The following BCAR3 variants were observed in gnomAD, a reference collection of about 807,000 sequenced individuals.
BCAR3 encodes BCAR3 adaptor protein, NSP family member.
A neutral mutation model predicts 80.1 loss-of-function variants in BCAR3; 37 were observed. The ratio of observed to expected loss-of-function variants is 0.46; its 90% CI spans 0.36 to 0.61. The LOEUF (loss-of-function observed/expected upper bound fraction) is 0.61. BCAR3 is among the 20% of genes least tolerant of loss of function. BCAR3 has a pLI of 0.00. For synonymous variants in BCAR3, 389 were observed against 418.9 expected (o/e 0.93, Z 0.87); for missense variants, 978 against 1,068.2 (o/e 0.92, Z 1.18).
intron 3 of BCAR3, among the ~76,000 whole-genome samples, chr1:93,619,878 T>G (rs1369164983): frequency 6.6e-6 from 1 of 152,218 alleles, no homozygotes; most frequent in Non-Finnish European, 1.5e-5. Context: ...CGAGCCAGGA[T>G]GGGTTCTGGT....
At position 93,681,681 on chromosome 1, in the gene BCAR3, G is replaced by C. The variant is rs1648772697; in HGVS notation, c.-95C>G. On this transcript the variant is annotated 5_prime_UTR_variant, in exon 1 of 12. Transcript: ENST00000260502. Reference sequence around the variant, plus strand: ...TCAAAGGCGCCGCGCGGCCGGCCTCGCACCGCCCGCGCCGCGGCTGCTCCC... The same window carrying C: ...TCAAAGGCGCCGCGCGGCCGGCCTCCCACCGCCCGCGCCGCGGCTGCTCCC... The C allele has an allele frequency of 1.3e-5, 2 of 151,604 alleles. No individual in the cohort carries two copies. Among genetic ancestry groups the C allele is most frequent in the South Asian group, 4.1e-4 (2 of 4,822 alleles). The allele number at this position is 151,604 out of a possible 1,614,324, so 9.4% of individuals were successfully genotyped here. A position where few individuals can be genotyped will look rare whatever the true frequency, so the allele number is the denominator to read the frequency against.
chr1:93,800,287 A>C (rs765537385), intron 2 of BCAR3, among the ~76,000 whole-genome samples: 1 of 152,134 alleles, frequency 6.6e-6, no homozygotes, highest in Non-Finnish European at 1.5e-5. Flanking sequence ...ATAAAGCATC[A>C]AGATGGCTGG....
At chr1:93,806,032 T>A (rs1653643483) in intron 2 of BCAR3, among the ~76,000 whole-genome samples, 1 of 151,890 alleles carries the variant, frequency 6.6e-6, no homozygotes, top group Admixed American at 6.6e-5. Context: ...TGAAAAGAAA[T>A]GTAAAATATG....
chr1:93,572,139 G>A (rs1673244195), intron 8 of BCAR3, among the ~76,000 whole-genome samples: 1 of 152,148 alleles, frequency 6.6e-6, no homozygotes, highest in Non-Finnish European at 1.5e-5. Context: ...CTGGGGCAAA[G>A]GTGCTCAGAA....
chr1:93,843,633 G>C (rs1218236127), intron 2 of BCAR3, among the ~76,000 whole-genome samples: 1 of 152,016 alleles, frequency 6.6e-6, no homozygotes, highest in African/African-American at 2.4e-5. Flanking sequence ...TTCCTTTTTA[G>C]GTATGTTTTA....
chr1:93,624,824 A>G (rs1220287740), intron 3 of BCAR3, among the ~76,000 whole-genome samples: 2 of 152,186 alleles, frequency 1.3e-5, no homozygotes, highest in Non-Finnish European at 2.9e-5. Flanking sequence ...GGCGTGAGGG[A>G]TGACAGGCCA....
intron 3 of BCAR3, among the ~76,000 whole-genome samples, chr1:93,626,061 C>T (rs1372323704): frequency 6.6e-6 from 1 of 152,134 alleles, no homozygotes; most frequent in Non-Finnish European, 1.5e-5. Flanking sequence ...TGGCCTAGCA[C>T]TTTATAGTAT....
intron 2 of BCAR3, among the ~76,000 whole-genome samples, chr1:93,720,541 G>A (rs752793668): frequency 2.6e-5 from 4 of 152,254 alleles, no homozygotes; most frequent in South Asian, 2.1e-4. Context: ...ATGGCCACTC[G>A]CCTTCCCAGA....
intron 2 of BCAR3, among the ~76,000 whole-genome samples, chr1:93,731,795 T>A (rs1290307617): frequency 6.6e-6 from 1 of 152,234 alleles, no homozygotes; most frequent in East Asian, 1.9e-4. Flanking sequence ...ACAGTCCTTT[T>A]CAGGCATAGT....
At chr1:93,679,951 C>G (rs908609295) in intron 1 of BCAR3, among the ~76,000 whole-genome samples, 2 of 152,218 alleles carry the variant, frequency 1.3e-5, no homozygotes, top group Non-Finnish European at 2.9e-5. Flanking sequence ...ACCGTCTCGG[C>G]TGCCCCATGA....
intron 9 of BCAR3, among the ~76,000 whole-genome samples, chr1:93,568,399 C>T (rs1391496783): frequency 1.3e-5 from 2 of 152,152 alleles, no homozygotes; most frequent in East Asian, 1.9e-4. Flanking sequence ...ACAGCCTGGC[C>T]TGCTGGCCAG....
At position 93,598,544 on chromosome 1, in the gene BCAR3, G is replaced by C. The variant is rs374463368; in HGVS notation, c.358-6151C>G. The stretch of plus-strand genomic sequence containing the variant: ...ACCAAACAGTTGCCAGCATCTGGCT[G>C]CCAGTGGGGGATGGATGCACTGGTC... On this transcript the variant is annotated intron_variant, in intron 3 of 11. Transcript: ENST00000260502. Among the ~76,000 whole-genome samples the C allele has an allele frequency of 3.3e-4, 51 of 152,330 alleles. No individual in the cohort carries two copies. In the East Asian group the frequency reaches 5.8e-3, roughly 17 times the overall value.
At chr1:93,762,576 C>A (rs1651987853) in intron 2 of BCAR3, among the ~76,000 whole-genome samples, 2 of 152,188 alleles carry the variant, frequency 1.3e-5, no homozygotes, top group African/African-American at 4.8e-5. Flanking sequence ...CACAGAGGGA[C>A]CTGACGTGCT....
At chr1:93,720,935 CT>C (rs929946167) in intron 2 of BCAR3, among the ~76,000 whole-genome samples, 2 of 152,144 alleles carry the variant, frequency 1.3e-5, no homozygotes, top group African/African-American at 4.8e-5. Flanking sequence ...CAGGAGGTGG[CT>C]GGAGTGGAGC....
chr1:93,565,582 C>G (rs1300528740), intron 11 of BCAR3, among the ~76,000 whole-genome samples: 1 of 152,226 alleles, frequency 6.6e-6, no homozygotes, highest in Non-Finnish European at 1.5e-5. Context: ...ACACTTTTCT[C>G]AAAACCCACC....
intron 2 of BCAR3, among the ~76,000 whole-genome samples, chr1:93,709,624 C>T (rs1308781241): frequency 6.6e-6 from 1 of 152,176 alleles, no homozygotes; most frequent in Non-Finnish European, 1.5e-5. Context: ...GGCAGTCCCC[C>T]TTGATTGTCC....
intron 11 of BCAR3, among the ~76,000 whole-genome samples, chr1:93,567,032 TTC>T (rs1443591173): frequency 1.3e-5 from 2 of 152,086 alleles, no homozygotes; most frequent in South Asian, 2.1e-4. Context: ...CCGGCCCCAG[TTC>T]TTTCTTGACC....
intron 3 of BCAR3, among the ~76,000 whole-genome samples, chr1:93,688,642 C>T (rs1649056952): frequency 6.6e-6 from 1 of 152,100 alleles, no homozygotes; most frequent in Admixed American, 6.5e-5. Context: ...GTTGGCCAGG[C>T]TGGAGTGCGG....
intron 2 of BCAR3, among the ~76,000 whole-genome samples, chr1:93,822,701 G>A (rs1445130813): frequency 6.6e-6 from 1 of 152,172 alleles, no homozygotes; most frequent in Non-Finnish European, 1.5e-5. Context: ...TGAGGCTGGA[G>A]GAGCAGGCAG....
Sources: allele counts gnomAD v4.1 joint callset (sites outside exome capture counted in the v4.1 genomes callset), GRCh38; gene constraint gnomAD v4.1.1; transcripts MANE v1.5; gene names NCBI Gene and HGNC (gene_info 2026-07-23, HGNC 2026-07-21).